RNF150: variants seen among roughly 807,000 people sequenced by gnomAD.
RNF150 encodes the protein ring finger protein 150.
In RNF150, 24 loss-of-function variants were observed where a neutral mutation model predicts 39.3. That is an observed-to-expected ratio of 0.61 (90% confidence interval 0.44 to 0.86). The LOEUF (loss-of-function observed/expected upper bound fraction) is 0.86. RNF150 is among the 40% of genes least tolerant of loss of function. The probability of loss-of-function intolerance (pLI) is 0.00; values close to 1 mark genes in which losing one functional copy is unlikely to be tolerated. For missense variants in RNF150, 502 were observed against 587.8 expected (o/e 0.85, Z 1.51); for synonymous variants, 255 against 227.3 (o/e 1.12, Z -1.10).
Position 141,030,338 on chromosome 4 carries a change from T to G in RNF150, c.485-62465A>C, listed in dbSNP as rs1266554299. 6.6e-5 allele frequency among the ~76,000 whole-genome samples: 10 copies of G among 151,312 alleles called. No individual in the cohort carries two copies. In the East Asian group the frequency reaches 1.7e-3, roughly 26 times the overall value. On this transcript the variant is annotated intron_variant, in intron 1 of 6. Coordinates refer to ENST00000515673, the MANE Select transcript of RNF150 (RefSeq NM_020724.2). Reference sequence around the variant, plus strand: ...TGGTGAGAATATAAAATTAAAAACATGTACACTGTTGATGGAAATATAAAT... The same window carrying G: ...TGGTGAGAATATAAAATTAAAAACAGGTACACTGTTGATGGAAATATAAAT...
rs17006647 is a variant in RNF150 at position 140,915,164 on chromosome 4, C to T, written c.988-3810G>A. Among the ~76,000 whole-genome samples the T allele has an allele frequency of 7.6e-3, 1,163 of 152,174 alleles. 14 individuals carry two copies. The highest frequency in any genetic ancestry group is 0.027 in the African/African-American group (1,112 of 41,510). On this transcript the variant is annotated intron_variant, in intron 5 of 6. Transcript: ENST00000515673. ...GAGCCCTTAGCATAAGTAAGGAATG[C>T]AGAGATGAAGCATGAACAGACATCA... is the stretch of plus-strand genomic sequence containing the variant.
chr4:140,947,572 C>A, intron 4 of RNF150, 82 bp downstream of exon 4: 1 of 928,612 alleles, frequency 1.1e-6, no homozygotes, highest in South Asian at 1.4e-5. Context: ...AGCACTATGC[C>A]CAGCAGGTCG....
At position 141,005,800 on chromosome 4, in the gene RNF150, G is replaced by A; in HGVS notation, c.485-37927C>T. ...ATATTTTAAAAGGGCCGGGCGCGGT[G>A]GCTCACGCCTGTAATCCCAGCACTT... On this transcript the variant is annotated intron_variant, in intron 1 of 6. Coordinates refer to ENST00000515673, the MANE Select transcript of RNF150 (RefSeq NM_020724.2). Among the ~76,000 whole-genome samples, 2 of 130,044 alleles carry A rather than the reference G, an allele frequency of 1.5e-5. 1 individual carries two copies. The highest frequency in any genetic ancestry group is 3.5e-5 in the Non-Finnish European group (2 of 57,810). The allele number at this position is 130,044 out of a possible 152,430, so 85.3% of individuals were successfully genotyped here.
At chr4:140,883,279 TAA>T (rs1729443249) in intron 6 of RNF150, among the ~76,000 whole-genome samples, 1 of 152,190 alleles carries the variant, frequency 6.6e-6, no homozygotes, top group South Asian at 2.1e-4. Flanking sequence ...ATACCAGAAT[TAA>T]AAGTGATTTA....
intron 1 of RNF150, among the ~76,000 whole-genome samples, chr4:141,211,524 C>G (rs1358333879): frequency 6.6e-6 from 1 of 152,146 alleles, no homozygotes; most frequent in African/African-American, 2.4e-5. Flanking sequence ...ATTATTTCTT[C>G]CAAGTACAAC....
intron 1 of RNF150, among the ~76,000 whole-genome samples, chr4:140,992,087 C>T (rs1195415043): frequency 6.6e-6 from 1 of 152,154 alleles, no homozygotes; most frequent in Non-Finnish European, 1.5e-5. Flanking sequence ...CCTGAGTTGT[C>T]TTTATATAAA....
intron 1 of RNF150, among the ~76,000 whole-genome samples, chr4:141,015,792 G>C (rs1735248387): frequency 6.6e-6 from 1 of 152,064 alleles, no homozygotes; most frequent in African/African-American, 2.4e-5. Context: ...GGATGACATG[G>C]TCAAAGAACT....
At chr4:141,073,558 G>A (rs753102591) in intron 1 of RNF150, among the ~76,000 whole-genome samples, 15 of 151,866 alleles carry the variant, frequency 9.9e-5, no homozygotes, top group Non-Finnish European at 1.5e-4. Context: ...TATGTCATTC[G>A]CTATTACTTA....
intron 5 of RNF150, among the ~76,000 whole-genome samples, chr4:140,911,811 A>T (rs964121588): frequency 1.3e-5 from 2 of 152,190 alleles, no homozygotes; most frequent in Non-Finnish European, 2.9e-5. Context: ...GAGGGAGGAT[A>T]GAATCTGAGT....
At chr4:140,893,580 C>G (rs1729835651) in intron 6 of RNF150, among the ~76,000 whole-genome samples, 1 of 152,026 alleles carries the variant, frequency 6.6e-6, no homozygotes, top group African/African-American at 2.4e-5. Flanking sequence ...TATTAGGTAC[C>G]TTTTAAGATC....
At chr4:140,876,938 T>A (rs1456209884) in intron 6 of RNF150, among the ~76,000 whole-genome samples, 4 of 152,226 alleles carry the variant, frequency 2.6e-5, no homozygotes, top group African/African-American at 9.6e-5. Context: ...AATATATACA[T>A]CTTGCGGTCA....
At chr4:140,978,562 A>G (rs1376137253) in intron 1 of RNF150, among the ~76,000 whole-genome samples, 1 of 152,184 alleles carries the variant, frequency 6.6e-6, no homozygotes, top group Non-Finnish European at 1.5e-5. Context: ...AATGTAGAAT[A>G]AGAATTATTG....
chr4:140,882,521 G>A (rs1729415570), intron 6 of RNF150, among the ~76,000 whole-genome samples: 1 of 152,058 alleles, frequency 6.6e-6, no homozygotes, highest in Non-Finnish European at 1.5e-5. Context: ...TTTTGAAAAT[G>A]GGGTATTGAA....
At chr4:141,069,720 T>C (rs1737615157) in intron 1 of RNF150, among the ~76,000 whole-genome samples, 1 of 151,272 alleles carries the variant, frequency 6.6e-6, no homozygotes, top group Non-Finnish European at 1.5e-5. Flanking sequence ...AACTATTGAT[T>C]ATTGCCACAA....
At chr4:140,910,704 A>AGTGTGTGT in intron 6 of RNF150, among the ~76,000 whole-genome samples, 1 of 35,306 alleles carries the variant, frequency 2.8e-5, no homozygotes, top group African/African-American at 7.0e-5. Context: ...TCGGGGCTCC[A>AGTGTGTGT]GTGTGTGTGT....
chr4:141,023,859 T>C (rs1735593511), intron 1 of RNF150, among the ~76,000 whole-genome samples: 1 of 152,208 alleles, frequency 6.6e-6, no homozygotes, highest in South Asian at 2.1e-4. Flanking sequence ...TTATGCTTCA[T>C]CCATACATTC....
At chr4:140,908,120 G>A (rs1226475398) in intron 6 of RNF150, among the ~76,000 whole-genome samples, 1 of 152,178 alleles carries the variant, frequency 6.6e-6, no homozygotes, top group Admixed American at 6.5e-5. Context: ...CATGATTTCT[G>A]AATAGCATTA....
intron 1 of RNF150, among the ~76,000 whole-genome samples, chr4:140,982,923 A>C (rs1030963844): frequency 2.6e-5 from 4 of 152,138 alleles, no homozygotes; most frequent in African/African-American, 7.2e-5. Context: ...GATGTTTCAT[A>C]AGCATTATAG....
intron 1 of RNF150, among the ~76,000 whole-genome samples, chr4:141,108,494 TAA>T (rs1324105927): frequency 1.3e-5 from 2 of 152,182 alleles, no homozygotes; most frequent in African/African-American, 4.8e-5. Context: ...CATTACCACA[TAA>T]GAGTCCCACA....
Sources: gnomAD v4.1 joint callset for allele counts (sites outside exome capture counted in the v4.1 genomes callset) on GRCh38, gnomAD v4.1.1 for gene constraint, MANE v1.5 for transcripts, NCBI Gene and HGNC (gene_info 2026-07-23, HGNC 2026-07-21) for gene names.